Variants in SCP2 observed in about 807,000 individuals in gnomAD.
The protein encoded by SCP2 is SCP-2/3-oxoacyl-CoA thiolase.
SCP2 carries 48 observed loss-of-function variants against 71.4 expected under a neutral mutation model. The ratio of observed to expected loss-of-function variants is 0.67; its 90% CI spans 0.53 to 0.86. The LOEUF is 0.86. SCP2 is among the 40% of genes least tolerant of loss of function. SCP2 has a pLI of 0.00. For missense variants in SCP2, 560 were observed against 655.6 expected (o/e 0.85, Z 1.59); for synonymous variants, 220 against 218.1 (o/e 1.01, Z -0.08).
At chr1:52,930,794 T>A (rs1653080410) in intron 1 of SCP2, among the ~76,000 whole-genome samples, 1 of 152,246 alleles carries the variant, frequency 6.6e-6, no homozygotes, top group Admixed American at 6.5e-5. Context: ...TACTTTATTT[T>A]GGTGCAGCTT....
intron 4 of SCP2, among the ~76,000 whole-genome samples, chr1:52,953,341 TC>T (rs1655488397): frequency 6.6e-6 from 1 of 152,110 alleles, no homozygotes; most frequent in South Asian, 2.1e-4. Context: ...TATTGATTTT[TC>T]CTCTTTTCTT....
rs1032378019 is a variant in SCP2 at position 52,927,606 on chromosome 1, G to A, written c.69+141G>A. 7 of 685,656 alleles carry A rather than the reference G, an allele frequency of 1.0e-5. No individual in the cohort carries two copies. The East Asian group carries it at 1.6e-4, about 16-fold the overall frequency. 42.5% of individuals were successfully genotyped at this position (685,656 alleles called of 1,614,324 possible). A position where few individuals can be genotyped will look rare whatever the true frequency, so the allele number is the denominator to read the frequency against. On this transcript the variant is annotated intron_variant, in intron 1 of 15. Transcript: ENST00000371514. ...GGCGACTTGGTGGCTTGTACTCTGC[G>A]GAATCTCTGGGGTCATAGCGTCTCG...
Position 52,961,498 on chromosome 1 carries a change from C to T in SCP2, c.397-5C>T, listed in dbSNP as rs1360375209. The T allele has an allele frequency of 1.2e-6, 2 of 1,613,658 alleles. No homozygotes were observed. Among genetic ancestry groups the T allele is most frequent in the African/African-American group, 1.3e-5 (1 of 74,918 alleles). ...TGCTTATGAAATTTTGTTCCCCCCT[C>T]TTAGTTTTCAGATAGAACCATTCCC... On this transcript the variant is annotated splice_polypyrimidine_tract_variant and splice_region_variant and intron_variant, in intron 5 of 15. Coordinates refer to ENST00000371514, the MANE Select transcript of SCP2 (RefSeq NM_002979.5).
intron 5 of SCP2, among the ~76,000 whole-genome samples, chr1:52,959,929 C>A (rs1557561181): frequency 6.6e-6 from 1 of 150,734 alleles, no homozygotes; most frequent in Admixed American, 6.6e-5. Context: ...TCTCACTCTG[C>A]CGCCCAGGCT....
At chr1:53,018,669 A>C (rs900611422) in intron 12 of SCP2, among the ~76,000 whole-genome samples, 1 of 151,812 alleles carries the variant, frequency 6.6e-6, no homozygotes, top group African/African-American at 2.4e-5. Flanking sequence ...TGAGCCTGGG[A>C]GGCAGAGGTT....
chr1:53,003,350 T>C lies in SCP2; in HGVS notation c.1082-11540T>C, dbSNP rs1315535324. Among the ~76,000 whole-genome samples, 6 of 151,838 alleles carry C rather than the reference T, an allele frequency of 4.0e-5. 1 individual carries two copies. The highest frequency in any genetic ancestry group is 9.7e-5 in the African/African-American group (4 of 41,428). On this transcript the variant is annotated intron_variant, in intron 11 of 15. Coordinates refer to ENST00000371514, the MANE Select transcript of SCP2 (RefSeq NM_002979.5). Reference sequence around the variant, plus strand: ...TCTACTATCTCAGTCTCCCAAGTAGTTGGGACTGCAGGCACGCACCTTCAT... The same window carrying C: ...TCTACTATCTCAGTCTCCCAAGTAGCTGGGACTGCAGGCACGCACCTTCAT...
At chr1:52,999,095 GA>G (rs1445549275) in intron 11 of SCP2, among the ~76,000 whole-genome samples, 1 of 151,932 alleles carries the variant, frequency 6.6e-6, no homozygotes, top group Non-Finnish European at 1.5e-5. Flanking sequence ...CATTTTTTGG[GA>G]AAAAAATTAT....
At position 52,988,036 on chromosome 1, in the gene SCP2, T is replaced by C. The variant is rs1166531213; in HGVS notation, c.981T>C (p.Gly327=). The change falls in exon 11 of 16, where the codon GGT becomes GGC. Residue 327 remains glycine, a synonymous_variant. Coordinates refer to ENST00000371514, the MANE Select transcript of SCP2 (RefSeq NM_002979.5). ...CTATTTTTTCTTCTATAGGACAAGGTGCAACGCTGGTTGATAGAGGAGATA... is the reference window on the plus strand; with the variant it reads ...CTATTTTTTCTTCTATAGGACAAGGCGCAACGCTGGTTGATAGAGGAGATA... ...EALGLCPEGQ[G]ATLVDRGDNT... The C allele has an allele frequency of 2.6e-6, 4 of 1,542,258 alleles. No individual in the cohort carries two copies. Among genetic ancestry groups the C allele is most frequent in the African/African-American group, 2.8e-5 (2 of 71,920 alleles).
rs966775927 is a variant in SCP2, at chr1:52,938,408, C to T, written c.70-3388C>T. The stretch of plus-strand genomic sequence containing the variant: ...CTCACCAGCAAAGCACTACATCTTA[C>T]CTAATCAGTCATCAAGTTCAGTAGA... On this transcript the variant is annotated intron_variant, in intron 1 of 15. Transcript: ENST00000371514. 2.6e-5 allele frequency among the ~76,000 whole-genome samples: 4 copies of T among 152,178 alleles called. No individual in the cohort carries two copies. In the South Asian group the frequency reaches 8.3e-4, roughly 32 times the overall value.
rs111860297 is a variant in SCP2 at position 52,998,333 on chromosome 1, C to T, written c.1081+10197C>T. Among the ~76,000 whole-genome samples the T allele has an allele frequency of 5.0e-3, 761 of 152,306 alleles. 9 individuals are homozygous for T. The highest frequency in any genetic ancestry group is 0.016 in the African/African-American group (672 of 41,568). On this transcript the variant is annotated intron_variant, in intron 11 of 15. Coordinates refer to ENST00000371514, the MANE Select transcript of SCP2 (RefSeq NM_002979.5). Reference sequence around the variant, plus strand: ...CAAAAAGGCCAGGTGCAGTAGCTCACGCCTGTAATCCCAGCACTTTGGGAG... The same window carrying T: ...CAAAAAGGCCAGGTGCAGTAGCTCATGCCTGTAATCCCAGCACTTTGGGAG...
Position 52,961,525 on chromosome 1 carries a change from C to G in SCP2, c.419C>G (p.Thr140Ser), listed in dbSNP as rs201992866. ...TAGTTTTCAGATAGAACCATTCCCA[C>G]TGATAAGCATGTTGACCTCCTGATC... The part of the protein sequence containing the change: ...GIKFSDRTIP[T>S]DKHVDLLINK... Residue 140 changes from threonine (T) to serine (S), a missense_variant, in exon 6 of 16, where the codon ACT (threonine) becomes AGT (serine). Thr to Ser is a moderately conservative substitution (Grantham distance 58). Transcript: ENST00000371514. 71 of 1,613,746 alleles carry G rather than the reference C, an allele frequency of 4.4e-5. No homozygotes were observed. The highest frequency in any genetic ancestry group is 5.3e-5 in the Non-Finnish European group (62 of 1,179,824).
chr1:53,019,001 T>C (rs941644407), intron 12 of SCP2, among the ~76,000 whole-genome samples: 1 of 152,196 alleles, frequency 6.6e-6, no homozygotes, highest in Non-Finnish European at 1.5e-5. Flanking sequence ...GTATATTCTT[T>C]AATAGTAGAA....
chr1:52,960,747 T>G (rs1656353710), intron 5 of SCP2, among the ~76,000 whole-genome samples: 1 of 151,034 alleles, frequency 6.6e-6, no homozygotes, highest in Non-Finnish European at 1.5e-5. Flanking sequence ...TGTGTGTATA[T>G]TTATTTATTT....
rs1473526597 is a variant in SCP2 at position 52,941,272 on chromosome 1, T to G, written c.70-524T>G. 2.0e-5 allele frequency among the ~76,000 whole-genome samples: 3 copies of G among 152,218 alleles called. No homozygotes were observed. In the East Asian group the frequency reaches 5.8e-4, roughly 29 times the overall value. On this transcript the variant is annotated intron_variant, in intron 1 of 15. Transcript: ENST00000371514. ...CTCCCTCCAAGTCTGGGTAGATGTC[T>G]CTGTCAAGACATTCTGTACTTCTGA...
intron 13 of SCP2, among the ~76,000 whole-genome samples, chr1:53,038,279 G>T (rs761353171): frequency 6.6e-6 from 1 of 151,960 alleles, no homozygotes; most frequent in Non-Finnish European, 1.5e-5. Flanking sequence ...GAGAAGGGCA[G>T]GTTGGGATCT....
intron 10 of SCP2, 54 bp downstream of exon 10, chr1:52,980,597 C>T (rs1658400415): frequency 6.6e-7 from 1 of 1,504,350 alleles, no homozygotes; most frequent in Non-Finnish European, 9.3e-7. Context: ...GAGAAAACTT[C>T]ACTTTGACCG....
At chr1:52,948,555 G>A (rs968536705) in intron 3 of SCP2, among the ~76,000 whole-genome samples, 2 of 149,586 alleles carry the variant, frequency 1.3e-5, no homozygotes, top group African/African-American at 5.0e-5. Context: ...AACCCAGGAG[G>A]CAGAGGTTGT....
At chr1:52,942,751 T>C (rs796730064) in intron 2 of SCP2, among the ~76,000 whole-genome samples, 31 of 142,368 alleles carry the variant, frequency 2.2e-4, no homozygotes, top group African/African-American at 8.2e-4. Flanking sequence ...CAAGGTAGAG[T>C]GCAAATGGCA....
chr1:53,028,003 A>G lies in SCP2; in HGVS notation c.1270A>G (p.Thr424Ala). The part of the protein sequence containing the change: ...FRTHQIEAVP[T>A]SSASDGFKAN... ...AACTCATCAAATTGAAGCTGTTCCA[A>G]CCAGCTCTGCAAGTGATGGATTTAA... Residue 424 changes from threonine to alanine, a missense_variant, in exon 13 of 16, where the codon ACC becomes GCC. Transcript: ENST00000371514. 2 of 1,611,734 alleles carry G rather than the reference A, an allele frequency of 1.2e-6. No individual in the cohort carries two copies. Among genetic ancestry groups the G allele is most frequent in the South Asian group, 2.2e-5 (2 of 91,002 alleles).
Sources: gnomAD v4.1 joint callset for allele counts (sites outside exome capture counted in the v4.1 genomes callset) on GRCh38, gnomAD v4.1.1 for gene constraint, MANE v1.5 for transcripts, NCBI Gene and HGNC (gene_info 2026-07-23, HGNC 2026-07-21) for gene names.